Variants in UGT1A10 observed in about 807,000 individuals in gnomAD.
UGT1A10 encodes UDP-glucuronosyltransferase 1A10.
Under a neutral mutation model 45.8 loss-of-function variants are expected in UGT1A10, and 49 were observed. The observed-to-expected ratio is 1.07, with a 90% CI of 0.85 to 1.36. The LOEUF is 1.36. Ranked by LOEUF, UGT1A10 falls within the 40% of genes most tolerant of loss-of-function variation. The pLI is 0.00. For synonymous variants in UGT1A10, 284 were observed against 249.7 expected (o/e 1.14, Z -1.29); for missense variants, 745 against 668.6 (o/e 1.11, Z -1.26).
intron 1 of UGT1A10, among the ~76,000 whole-genome samples, chr2:233,758,259 G>T (rs1163749283): frequency 6.6e-6 from 1 of 152,184 alleles, no homozygotes; most frequent in Non-Finnish European, 1.5e-5. Context: ...AGATTAGTAA[G>T]TATTTCTTGG....
chr2:233,672,729 G>A (rs1299380932), intron 1 of UGT1A10: 2 of 1,613,900 alleles, frequency 1.2e-6, no homozygotes, highest in South Asian at 2.2e-5. Flanking sequence ...CCAAACCCGT[G>A]ATGCCCAACA....
chr2:233,647,785 A>G (rs2073640805), intron 1 of UGT1A10: 1 of 575,046 alleles, frequency 1.7e-6, no homozygotes, highest in African/African-American at 1.9e-5. Flanking sequence ...TTTCCTAATC[A>G]GTCTGGGTAG....
At chr2:233,678,445 AGGAGGT>A (rs1033924573) in intron 1 of UGT1A10, among the ~76,000 whole-genome samples, 18 of 152,184 alleles carry the variant, frequency 1.2e-4, no homozygotes, top group African/African-American at 4.1e-4. Context: ...GAAGAGGTAG[AGGAGGT>A]GGAAGTGGAG....
chr2:233,751,050 G>A (rs1201577547), intron 1 of UGT1A10, among the ~76,000 whole-genome samples: 3 of 151,910 alleles, frequency 2.0e-5, no homozygotes, highest in Admixed American at 2.0e-4. Context: ...GCCTGGAAAA[G>A]ACACAGACAC....
chr2:233,759,109 C>A (rs1697056507), intron 1 of UGT1A10, among the ~76,000 whole-genome samples: 1 of 152,128 alleles, frequency 6.6e-6, no homozygotes, highest in Admixed American at 6.5e-5. Flanking sequence ...GTTTGCAAAC[C>A]AGGGAGTTAC....
At chr2:233,744,492 G>A (rs1241222424) in intron 1 of UGT1A10, among the ~76,000 whole-genome samples, 2 of 152,034 alleles carry the variant, frequency 1.3e-5, no homozygotes, top group Admixed American at 1.3e-4. Flanking sequence ...GGGCAATTTA[G>A]TAAGAATAAA....
In UGT1A10 at chr2:233,772,400, C is replaced by T. The variant is rs1479735066; in HGVS notation, c.1434C>T (p.Leu478=). ...APHLRPAAHD[L]TWYQYHSLDV... is the part of the protein sequence containing the mutation. ...ACCTGCGCCCCGCAGCCCACGACCT[C>T]ACCTGGTACCAGTACCATTCCTTGG... Residue 478 remains leucine, a synonymous_variant, in exon 5 of 5, where the codon CTC becomes CTT. Transcript: ENST00000344644. 1 of 1,614,246 alleles carries T rather than the reference C, an allele frequency of 6.2e-7. No homozygotes were observed.
intron 1 of UGT1A10, chr2:233,719,202 T>G (rs764611570): frequency 6.2e-7 from 1 of 1,614,218 alleles, no homozygotes; most frequent in South Asian, 1.1e-5. Flanking sequence ...TCATAGGTGT[T>G]GTGTGGAGCT....
At chr2:233,673,162 A>G (rs924288300) in intron 1 of UGT1A10, among the ~76,000 whole-genome samples, 6 of 152,208 alleles carry the variant, frequency 3.9e-5, no homozygotes, top group African/African-American at 9.6e-5. Flanking sequence ...TTAAAAAAGT[A>G]CTTTAGGTAT....
rs565827538 is a variant in UGT1A10 at position 233,649,053 on chromosome 2, A to C, written c.855+11676A>C. On this transcript the variant is annotated intron_variant, in intron 1 of 4. Coordinates refer to ENST00000344644, the MANE Select transcript of UGT1A10 (RefSeq NM_019075.4). ...TAAGTCATTGCTCCTTTAGCACATT[A>C]AAAGTATTCTGGATTTGAATATTTA... The C allele has an allele frequency of 2.4e-3, 2,406 of 985,808 alleles. 6 individuals carry two copies. Among genetic ancestry groups the C allele is most frequent in the Non-Finnish European group, 2.8e-3 (2,023 of 734,600 alleles). 61.1% of individuals were successfully genotyped at this position (985,808 alleles called of 1,614,324 possible). A position where few individuals can be genotyped will look rare whatever the true frequency, so the allele number is the denominator to read the frequency against.
At chr2:233,761,128 C>T in intron 1 of UGT1A10, 1 of 1,614,190 alleles carries the variant, frequency 6.2e-7, no homozygotes, top group Non-Finnish European at 8.5e-7. Context: ...AATCAACTGC[C>T]TTCACCAAAA....
chr2:233,671,778 T>A, intron 1 of UGT1A10: 1 of 1,392,614 alleles, frequency 7.2e-7, no homozygotes, highest in African/African-American at 1.5e-5. Flanking sequence ...ATATTCTTGT[T>A]CTTTTGGGTA....
At chr2:233,667,421 TA>T (rs1187193414) in intron 1 of UGT1A10, among the ~76,000 whole-genome samples, 7 of 152,162 alleles carry the variant, frequency 4.6e-5, no homozygotes, top group Non-Finnish European at 5.9e-5. Context: ...CCTTAAACCA[TA>T]AAAACCCTAG....
intron 1 of UGT1A10, chr2:233,729,506 CT>C (rs2077870453): frequency 6.2e-7 from 1 of 1,614,044 alleles, no homozygotes; most frequent in African/African-American, 1.3e-5. Flanking sequence ...TATCATAGGT[CT>C]TGTGTGGAGC....
chr2:233,648,232 G>A, intron 1 of UGT1A10: 1 of 627,572 alleles, frequency 1.6e-6, no homozygotes, highest in South Asian at 2.5e-5. Flanking sequence ...CTGAAAATTA[G>A]TAGAATACTT....
At chr2:233,747,818 A>C in intron 1 of UGT1A10, 1 of 1,613,506 alleles carries the variant, frequency 6.2e-7, no homozygotes, top group Non-Finnish European at 8.5e-7. Flanking sequence ...CGACCAATTC[A>C]GACCACATGA....
At chr2:233,700,719 T>A (rs551815415) in intron 1 of UGT1A10, among the ~76,000 whole-genome samples, 5 of 152,300 alleles carry the variant, frequency 3.3e-5, no homozygotes, top group East Asian at 1.9e-4. Context: ...TTTCTTTTTT[T>A]AAAAATTTTA....
chr2:233,737,897 T>G (rs1404906155), intron 1 of UGT1A10, among the ~76,000 whole-genome samples: 4 of 152,000 alleles, frequency 2.6e-5, no homozygotes, highest in African/African-American at 9.7e-5. Flanking sequence ...AATTTTCGAG[T>G]GTGGTAAAGA....
intron 1 of UGT1A10, among the ~76,000 whole-genome samples, chr2:233,764,077 A>T (rs1698472611): frequency 6.6e-6 from 1 of 152,230 alleles, no homozygotes; most frequent in Non-Finnish European, 1.5e-5. Flanking sequence ...GGGAAAATCT[A>T]ATTAAAAGCC....
Sources: gnomAD v4.1 joint callset for allele counts (sites outside exome capture counted in the v4.1 genomes callset) on GRCh38, gnomAD v4.1.1 for gene constraint, MANE v1.5 for transcripts, NCBI Gene and HGNC (gene_info 2026-07-23, HGNC 2026-07-21) for gene names.